Variants in BICD1 observed in about 807,000 individuals in gnomAD.
BICD1 encodes BICD cargo adaptor 1.
A neutral mutation model predicts 92.5 loss-of-function variants in BICD1; 35 were observed. That is an observed-to-expected ratio of 0.38 (90% CI 0.29 to 0.50). The LOEUF (loss-of-function observed/expected upper bound fraction) is 0.50. Among genes scored for constraint, BICD1 ranks in the 20% least tolerant of loss-of-function variants. The pLI is 0.93. For missense variants in BICD1, 950 were observed against 1,189.8 expected, an observed-to-expected ratio of 0.80 and a Z score of 2.97; for synonymous variants, 429 against 465.1, an observed-to-expected ratio of 0.92 and a Z score of 1.00.
intron 1 of BICD1, among the ~76,000 whole-genome samples, chr12:32,201,783 T>TAA (rs1210253401): frequency 2.7e-5 from 4 of 146,156 alleles, no homozygotes; most frequent in Admixed American, 6.9e-5. Context: ...CGTGTTTGTT[T>TAA]AAAAAAAAAA....
chr12:32,242,324 G>A (rs112995913), intron 2 of BICD1, among the ~76,000 whole-genome samples: 10,355 of 149,466 alleles, frequency 0.069, 1,207 homozygotes, highest in African/African-American at 0.24. Flanking sequence ...TCAGGAGTTC[G>A]AGACCAGCCT....
intron 2 of BICD1, among the ~76,000 whole-genome samples, chr12:32,248,039 C>T (rs1436675431): frequency 1.3e-5 from 2 of 152,002 alleles, no homozygotes; most frequent in Non-Finnish European, 2.9e-5. Flanking sequence ...GCCGAGATCG[C>T]ACCACTGCAC....
At chr12:32,326,097 A>G (rs1027069346) in intron 4 of BICD1, among the ~76,000 whole-genome samples, 1 of 151,036 alleles carries the variant, frequency 6.6e-6, no homozygotes, top group African/African-American at 2.4e-5. Flanking sequence ...AAAAAAAAAA[A>G]AAAAGAAAGT....
chr12:32,207,229 C>A (rs1220593073), intron 1 of BICD1, among the ~76,000 whole-genome samples: 2 of 42,382 alleles, frequency 4.7e-5, no homozygotes, highest in African/African-American at 1.4e-4. Context: ...CAATATGTAA[C>A]CACAAAATAC....
intron 2 of BICD1, among the ~76,000 whole-genome samples, chr12:32,253,948 T>C (rs36196157): frequency 2.1e-5 from 3 of 142,334 alleles, no homozygotes; most frequent in African/African-American, 2.7e-5. Flanking sequence ...CTGTCATATT[T>C]ACTGCTGTAT....
chr12:32,272,973 A>G (rs539438188), intron 2 of BICD1, among the ~76,000 whole-genome samples: 7 of 152,240 alleles, frequency 4.6e-5, no homozygotes, highest in African/African-American at 1.7e-4. Context: ...GCAAAGATAT[A>G]GTTTATAGGA....
At chr12:32,291,939 A>G (rs990365844) in intron 2 of BICD1, among the ~76,000 whole-genome samples, 7 of 152,190 alleles carry the variant, frequency 4.6e-5, no homozygotes, top group Non-Finnish European at 8.8e-5. Flanking sequence ...CTGTTAGGAT[A>G]GAGACCTTTA....
chr12:32,181,192 G>C (rs1944262692), intron 1 of BICD1, among the ~76,000 whole-genome samples: 1 of 151,778 alleles, frequency 6.6e-6, no homozygotes, highest in African/African-American at 2.4e-5. Context: ...GGCCGAGGGG[G>C]GTGGATCACT....
rs573481725 is a variant in BICD1 at position 32,314,953 on chromosome 12, CT to C, written c.1005+8836del. On this transcript the variant is annotated intron_variant, in intron 4 of 9. Transcript: ENST00000652176. Reference sequence around the variant, plus strand: ...ATGCCACTATGCCCAGCTAAAAAAACTTTTTAATCTTGATGTGTCTAGTGTA... The same window carrying C: ...ATGCCACTATGCCCAGCTAAAAAAACTTTTAATCTTGATGTGTCTAGTGTA... Among the ~76,000 whole-genome samples, 470 of 152,158 alleles carry C rather than the reference CT, an allele frequency of 3.1e-3. 3 individuals are homozygous for C. Among genetic ancestry groups the C allele is most frequent in the Non-Finnish European group, 5.3e-3 (360 of 67,990 alleles).
At chr12:32,252,422 G>T (rs1266822422) in intron 2 of BICD1, among the ~76,000 whole-genome samples, 1 of 151,950 alleles carries the variant, frequency 6.6e-6, no homozygotes, top group Non-Finnish European at 1.5e-5. Context: ...AAGTCGGATA[G>T]TGGGAGCAGG....
rs993218791 is a variant in BICD1 at position 32,339,862 on chromosome 12, A to C, written c.2764+883A>C. On this transcript the variant is annotated intron_variant, in intron 8 of 9. Transcript: ENST00000652176. ...ATTCAAGAGATTTTATATGAACATC[A>C]GTATTTCTGGCCTCTTTTGGAAGAT... 4.4e-5 allele frequency: 42 copies of C among 962,290 alleles called. No individual in the cohort carries two copies. The African/African-American group carries it at 7.2e-4, about 17-fold the overall frequency. 59.6% of individuals were successfully genotyped at this position (962,290 alleles called of 1,614,324 possible).
At chr12:32,367,544 T>A in intron 8 of BICD1, 126 bp from the exon 9 acceptor site, 2 of 740,564 alleles carry the variant, frequency 2.7e-6, no homozygotes, top group Non-Finnish European at 4.2e-6. Context: ...AAAAGCTGAA[T>A]CAGGATATTT....
chr12:32,172,484 C>T (rs1943974566), intron 1 of BICD1, among the ~76,000 whole-genome samples: 1 of 152,150 alleles, frequency 6.6e-6, no homozygotes, highest in Non-Finnish European at 1.5e-5. Flanking sequence ...AATCTAGAGC[C>T]TTTCCCAAGG....
rs1033924694 is a variant in BICD1 at position 32,107,194 on chromosome 12, T to A, written c.-138T>A. 6.1e-6 allele frequency: 5 copies of A among 819,370 alleles called. No individual in the cohort carries two copies. The highest frequency in any genetic ancestry group is 9.5e-6 in the Non-Finnish European group (5 of 527,032). 50.8% of individuals were successfully genotyped at this position (819,370 alleles called of 1,614,324 possible). ...CGCTGCCACCAGAGCCGGCGGGGCA[T>A]CGCGCTGCTCATTCATCCGGCCGCA... On this transcript the variant is annotated 5_prime_UTR_variant, in exon 1 of 10. Coordinates refer to ENST00000652176, the MANE Select transcript of BICD1 (RefSeq NM_001714.4).
intron 8 of BICD1, among the ~76,000 whole-genome samples, chr12:32,351,487 C>CAAAAAAAAAAAAAA (rs35002678): frequency 3.5e-5 from 2 of 57,226 alleles, no homozygotes; most frequent in African/African-American, 1.5e-4. Context: ...GACTCTGTCT[C>CAAAAAAAAAAAAAA]AAAAAAAAAA....
At chr12:32,209,933 G>C (rs1014572039) in intron 1 of BICD1, among the ~76,000 whole-genome samples, 1 of 152,148 alleles carries the variant, frequency 6.6e-6, no homozygotes, top group South Asian at 2.1e-4. Flanking sequence ...GGTCATACCA[G>C]CCACATTTCA....
At chr12:32,186,026 C>T (rs1944415468) in intron 1 of BICD1, among the ~76,000 whole-genome samples, 1 of 152,252 alleles carries the variant, frequency 6.6e-6, no homozygotes, top group South Asian at 2.1e-4. Flanking sequence ...TCTCCCCCAA[C>T]TCCTTGAGCC....
At chr12:32,301,593 G>A (rs568655019) in intron 3 of BICD1, among the ~76,000 whole-genome samples, 1 of 151,306 alleles carries the variant, frequency 6.6e-6, no homozygotes, top group South Asian at 2.1e-4. Flanking sequence ...TGGGCAACAT[G>A]GTACAAAACC....
intron 8 of BICD1, among the ~76,000 whole-genome samples, chr12:32,359,117 T>G (rs537655545): frequency 0.012 from 1,809 of 152,358 alleles, 107 homozygotes; most frequent in Admixed American, 0.11. Flanking sequence ...GGACAATCTA[T>G]AACTCTCTGT....
Sources: allele counts gnomAD v4.1 joint callset (sites outside exome capture counted in the v4.1 genomes callset), GRCh38; gene constraint gnomAD v4.1.1; transcripts MANE v1.5; gene names NCBI Gene and HGNC (gene_info 2026-07-23, HGNC 2026-07-21).